The following CNTNAP2 variants were observed in gnomAD, a reference collection of about 807,000 sequenced individuals.
CNTNAP2 encodes contactin-associated protein-like 2.
CNTNAP2 carries 98 observed loss-of-function variants against 155.2 expected under a neutral mutation model. The observed-to-expected ratio is 0.63, with a 90% CI of 0.54 to 0.75. The LOEUF (loss-of-function observed/expected upper bound fraction) is 0.75, where lower values mean the gene tolerates loss of function less well. CNTNAP2 is among the 30% of genes least tolerant of loss of function. The pLI is 0.00. For missense variants in CNTNAP2, 1,727 were observed against 1,688.1 expected (o/e 1.02, Z -0.40); for synonymous variants, 651 against 631.2 (o/e 1.03, Z -0.47).
chr7:147,074,071 T>C (rs765149099), intron 4 of CNTNAP2, among the ~76,000 whole-genome samples: 2 of 152,188 alleles, frequency 1.3e-5, no homozygotes, highest in African/African-American at 2.4e-5. Flanking sequence ...CACTAGCTAT[T>C]GCACTCCGTA....
chr7:146,242,537 CA>C lies in CNTNAP2; in HGVS notation c.97+125576del, dbSNP rs200094549. On this transcript the variant is annotated intron_variant, in intron 1 of 23. Coordinates refer to ENST00000361727, the MANE Select transcript of CNTNAP2 (RefSeq NM_014141.6). ...CTGGCAACAGAGTGAGACTCTGTCTCAAAAAAAAAAAAGGAGAGAAAAAGAA... is the reference window on the plus strand; with the variant it reads ...CTGGCAACAGAGTGAGACTCTGTCTCAAAAAAAAAAAGGAGAGAAAAAGAA... 2.9e-3 allele frequency among the ~76,000 whole-genome samples: 377 copies of C among 127,960 alleles called. 1 individual carries two copies. Among genetic ancestry groups the C allele is most frequent in the East Asian group, 0.013 (53 of 4,234 alleles). The allele number at this position is 127,960 out of a possible 152,430, so 83.9% of individuals were successfully genotyped here.
At chr7:148,357,754 C>G (rs184164107) in intron 21 of CNTNAP2, among the ~76,000 whole-genome samples, 3,767 of 152,314 alleles carry the variant, frequency 0.025, 146 homozygotes, top group African/African-American at 0.086. Flanking sequence ...AATAAAATTT[C>G]TGATTCCAAC....
intron 21 of CNTNAP2, among the ~76,000 whole-genome samples, chr7:148,382,454 G>A (rs990951810): frequency 2.0e-5 from 3 of 151,596 alleles, no homozygotes; most frequent in Admixed American, 1.3e-4. Flanking sequence ...TCAAAGTTGC[G>A]AAAACTGTCA....
At chr7:147,046,161 ATCACCGT>A (rs1477229699) in intron 4 of CNTNAP2, among the ~76,000 whole-genome samples, 2 of 152,174 alleles carry the variant, frequency 1.3e-5, no homozygotes, top group African/African-American at 4.8e-5. Flanking sequence ...AAAGCTCACT[ATCACCGT>A]TCTGTTTTTA....
At chr7:146,172,911 C>T (rs1798415445) in intron 1 of CNTNAP2, among the ~76,000 whole-genome samples, 1 of 152,244 alleles carries the variant, frequency 6.6e-6, no homozygotes, top group South Asian at 2.1e-4. Flanking sequence ...GTGATATTTA[C>T]CAATGAACCT....
intron 1 of CNTNAP2, among the ~76,000 whole-genome samples, chr7:146,397,704 C>G (rs1393461516): frequency 6.6e-6 from 1 of 152,038 alleles, no homozygotes; most frequent in South Asian, 2.1e-4. Context: ...AATTTATACC[C>G]ATACCAGTTT....
chr7:146,678,289 G>T (rs939886501), intron 1 of CNTNAP2, among the ~76,000 whole-genome samples: 3 of 151,844 alleles, frequency 2.0e-5, no homozygotes, highest in African/African-American at 7.3e-5. Context: ...GGCTGGTTTA[G>T]TCTCAAGCTC....
intron 14 of CNTNAP2, among the ~76,000 whole-genome samples, chr7:147,972,586 A>G (rs1338533786): frequency 1.3e-5 from 2 of 152,182 alleles, no homozygotes; most frequent in African/African-American, 4.8e-5. Context: ...CAGGTTAGAG[A>G]AACAAAATCC....
intron 16 of CNTNAP2, among the ~76,000 whole-genome samples, chr7:148,139,339 CA>C (rs2116640874): frequency 6.6e-6 from 1 of 152,226 alleles, no homozygotes; most frequent in Non-Finnish European, 1.5e-5. Flanking sequence ...AAAAATAGGT[CA>C]TTTTTTATTT....
chr7:146,532,751 C>T (rs801938), intron 1 of CNTNAP2, among the ~76,000 whole-genome samples: 67,664 of 151,578 alleles, frequency 0.45, 17,147 homozygotes, highest in African/African-American at 0.7. Flanking sequence ...TCAGACACTC[C>T]ACCACCACTT....
intron 1 of CNTNAP2, among the ~76,000 whole-genome samples, chr7:146,253,169 A>G (rs987118378): frequency 2.0e-5 from 3 of 152,320 alleles, no homozygotes; most frequent in African/African-American, 4.8e-5. Flanking sequence ...ATTGCTAAGT[A>G]CAGACACACA....
chr7:147,648,634 G>A (rs563292694), intron 13 of CNTNAP2, among the ~76,000 whole-genome samples: 30 of 152,240 alleles, frequency 2.0e-4, no homozygotes, highest in Admixed American at 6.5e-4. Context: ...AGAGAAACTC[G>A]CCTTTATAAA....
chr7:147,671,048 G>C (rs376686853), intron 13 of CNTNAP2, among the ~76,000 whole-genome samples: 2 of 152,176 alleles, frequency 1.3e-5, no homozygotes, highest in Non-Finnish European at 2.9e-5. Flanking sequence ...ACTGGCTCTC[G>C]GCTCCTGCCT....
intron 12 of CNTNAP2, among the ~76,000 whole-genome samples, chr7:147,582,655 A>G (rs2116829142): frequency 6.6e-6 from 1 of 152,284 alleles, no homozygotes; most frequent in Non-Finnish European, 1.5e-5. Flanking sequence ...AATTATCATA[A>G]CAGAAGTAAA....
rs148841898 is a variant in CNTNAP2, at chr7:147,321,756, A to G, written c.1498+21466A>G. ...ATATAACCAAATATTTAGCTACGGTATAACAAAGATCTCAGCTTTCCACAG... is the reference window on the plus strand; with the variant it reads ...ATATAACCAAATATTTAGCTACGGTGTAACAAAGATCTCAGCTTTCCACAG... On this transcript the variant is annotated intron_variant, in intron 9 of 23. Transcript: ENST00000361727. 4.6e-5 allele frequency among the ~76,000 whole-genome samples: 7 copies of G among 152,332 alleles called. No individual in the cohort carries two copies. The East Asian group carries it at 1.4e-3, about 29-fold the overall frequency.
intron 13 of CNTNAP2, among the ~76,000 whole-genome samples, chr7:147,756,402 T>C (rs1291609611): frequency 6.6e-6 from 1 of 152,218 alleles, no homozygotes; most frequent in Non-Finnish European, 1.5e-5. Context: ...AACAGCAATG[T>C]ATCAATGATT....
rs1417312074 is a variant in CNTNAP2 at position 147,948,972 on chromosome 7, C to T, written c.2256-28890C>T. 4.6e-5 allele frequency among the ~76,000 whole-genome samples: 7 copies of T among 152,044 alleles called. No individual in the cohort carries two copies. The East Asian group carries it at 1.2e-3, about 25-fold the overall frequency. Reference sequence around the variant, plus strand: ...ATCCCAGCACTTTGGGAGGCTGAGGCGGGTGGATCACCTGAGGTTGGGAGT... The same window carrying T: ...ATCCCAGCACTTTGGGAGGCTGAGGTGGGTGGATCACCTGAGGTTGGGAGT... On this transcript the variant is annotated intron_variant, in intron 14 of 23. Transcript: ENST00000361727.
At position 146,840,145 on chromosome 7, in the gene CNTNAP2, G is replaced by A. The variant is rs75366057; in HGVS notation, c.402+241G>A. Reference sequence around the variant, plus strand: ...ATCACCTGAGGAAGTTTTAAAGCACGTAGATGAAAGGCAAACCCGGATCAA... The same window carrying A: ...ATCACCTGAGGAAGTTTTAAAGCACATAGATGAAAGGCAAACCCGGATCAA... On this transcript the variant is annotated intron_variant, in intron 3 of 23. Transcript: ENST00000361727. 0.017 allele frequency among the ~76,000 whole-genome samples: 2,651 copies of A among 152,246 alleles called. 21 individuals carry two copies. Among genetic ancestry groups the A allele is most frequent in the Non-Finnish European group, 0.025 (1,686 of 68,012 alleles).
intron 1 of CNTNAP2, among the ~76,000 whole-genome samples, chr7:146,384,833 A>C (rs11973161): frequency 0.038 from 5,716 of 152,118 alleles, 334 homozygotes; most frequent in African/African-American, 0.13. Flanking sequence ...TCTTTTTTCG[A>C]TGTAATTATT....
Sources: gnomAD v4.1 joint callset for allele counts (sites outside exome capture counted in the v4.1 genomes callset) on GRCh38, gnomAD v4.1.1 for gene constraint, MANE v1.5 for transcripts, NCBI Gene and HGNC (gene_info 2026-07-23, HGNC 2026-07-21) for gene names.